The following RAB2B variants were observed in gnomAD, a reference collection of about 807,000 sequenced individuals.
RAB2B encodes ras-related protein Rab-2B.
A neutral mutation model predicts 29.8 loss-of-function variants in RAB2B; 20 were observed. The ratio of observed to expected loss-of-function variants is 0.67; its 90% CI spans 0.47 to 0.97. The LOEUF (loss-of-function observed/expected upper bound fraction) is 0.97. RAB2B is among the 50% of genes least tolerant of loss of function. The pLI, the probability that RAB2B is intolerant of heterozygous loss-of-function variation, is 0.00. For synonymous variants in RAB2B, 93 were observed against 91.7 expected, an observed-to-expected ratio of 1.01 and a Z score of -0.08; for missense variants, 218 against 272.0, an observed-to-expected ratio of 0.80 and a Z score of 1.40.
At position 21,468,655 on chromosome 14, in the gene RAB2B, C is replaced by T; in HGVS notation, c.269+15G>A. ...TAGGGAAGAATCTCCCTCCCATGCA[C>T]CAGATCTGGCTCACCTTGTAATGTC... On this transcript the variant is annotated intron_variant, in intron 4 of 7. Coordinates refer to ENST00000397762, the MANE Select transcript of RAB2B (RefSeq NM_032846.4). 1 of 1,541,768 alleles carries T rather than the reference C, an allele frequency of 6.5e-7. No individual in the cohort carries two copies. Among genetic ancestry groups the T allele is most frequent in the Non-Finnish European group, 8.7e-7 (1 of 1,147,956 alleles).
intron 1 of RAB2B, 110 bp from the exon 2 acceptor site, chr14:21,476,709 CGA>C: frequency 6.3e-7 from 1 of 1,594,250 alleles, no homozygotes; most frequent in Non-Finnish European, 8.6e-7. Flanking sequence ...CCGGCCGCCC[CGA>C]ACCGCCCCGC....
In RAB2B at chr14:21,476,634, C is replaced by T. The variant is rs775201441; in HGVS notation, c.47-35G>A. 1.9e-6 allele frequency: 3 copies of T among 1,613,660 alleles called. No homozygotes were observed. In the African/African-American group the frequency reaches 4.0e-5, roughly 22 times the overall value. ...AAAGCACACTCCCGGAATCACGCAG[C>T]CCTGGAACACCTTCCAGAGTATGGA... On this transcript the variant is annotated intron_variant, in intron 1 of 7. Transcript: ENST00000397762.
At chr14:21,472,083 G>A (rs1285845284) in intron 3 of RAB2B, among the ~76,000 whole-genome samples, 1 of 152,022 alleles carries the variant, frequency 6.6e-6, no homozygotes, top group East Asian at 1.9e-4. Context: ...TAGAAAGTCA[G>A]ATACACCATT....
chr14:21,461,267 A>T lies in RAB2B; in HGVS notation c.580T>A (p.Ser194Thr). The T allele has an allele frequency of 6.2e-7, 1 of 1,613,940 alleles. No homozygotes were observed. Among genetic ancestry groups the T allele is most frequent in the Non-Finnish European group, 8.5e-7 (1 of 1,179,874 alleles). ...GIKIGPQQSI[S>T]TSVGPSASQR... The stretch of plus-strand genomic sequence containing the variant: ...GAGGCACTGGGTCCCACTGATGTTG[A>T]AATTGACTGTTGGGGCCCAATCTTG... Residue 194 changes from serine (S) to threonine (T), a missense_variant, in exon 8 of 8, where the codon TCA becomes ACA. Coordinates refer to ENST00000397762, the MANE Select transcript of RAB2B (RefSeq NM_032846.4).
chr14:21,460,132 G>A lies in RAB2B; in HGVS notation c.*1064C>T, dbSNP rs1304134334. ...CTTCTACAAGAATTCTTAGGAAGTG[G>A]CAAGCAGACACCCAAAGGCAAGGAA... On this transcript the variant is annotated 3_prime_UTR_variant, in exon 8 of 8. Coordinates refer to ENST00000397762, the MANE Select transcript of RAB2B (RefSeq NM_032846.4). 1 of 518,506 alleles carries A rather than the reference G, an allele frequency of 1.9e-6. No individual in the cohort carries two copies. Among genetic ancestry groups the A allele is most frequent in the Non-Finnish European group, 3.9e-6 (1 of 259,714 alleles). The allele number at this position is 518,506 out of a possible 1,614,324, so 32.1% of individuals were successfully genotyped here.
At chr14:21,463,248 C>CT (rs36047568) in intron 6 of RAB2B, among the ~76,000 whole-genome samples, 101,687 of 138,478 alleles carry the variant, frequency 0.73, 38,132 homozygotes, top group South Asian at 0.87. Context: ...GACATTCTTT[C>CT]TTTTTTTTTT....
At chr14:21,474,669 C>T (rs1373394436) in intron 3 of RAB2B, 198 bp downstream of exon 3, 4 of 532,644 alleles carry the variant, frequency 7.5e-6, no homozygotes, top group Admixed American at 3.4e-5. Context: ...TAAACTATTA[C>T]TTGGATCGTT....
At chr14:21,469,995 G>A (rs533922464) in intron 3 of RAB2B, among the ~76,000 whole-genome samples, 6 of 143,874 alleles carry the variant, frequency 4.2e-5, no homozygotes, top group South Asian at 2.2e-4. Context: ...TCTGTTGCCC[G>A]GGCTGGAGTG....
intron 3 of RAB2B, among the ~76,000 whole-genome samples, chr14:21,472,931 C>T (rs758046196): frequency 4.2e-4 from 64 of 152,072 alleles, no homozygotes; most frequent in Non-Finnish European, 8.2e-4. Context: ...AAGGCTCAGG[C>T]CTGTAATCCC....
intron 2 of RAB2B, 113 bp downstream of exon 2, chr14:21,476,415 A>T: frequency 8.6e-7 from 1 of 1,159,504 alleles, no homozygotes; most frequent in East Asian, 2.4e-5. Flanking sequence ...GACTAGTTTA[A>T]AGTAGTGAGG....
rs1890501351 is a variant in RAB2B, at chr14:21,459,998, T to C, written c.*1198A>G. 1 of 359,414 alleles carries C rather than the reference T, an allele frequency of 2.8e-6. No homozygotes were observed. The allele number at this position is 359,414 out of a possible 1,614,324, so 22.3% of individuals were successfully genotyped here. On this transcript the variant is annotated 3_prime_UTR_variant, in exon 8 of 8. Transcript: ENST00000397762. ...GTAATAATAAGTGGCCACATGTCCCTGACCAACTTCACTGCTCTTAAAAGT... is the reference window on the plus strand; with the variant it reads ...GTAATAATAAGTGGCCACATGTCCCCGACCAACTTCACTGCTCTTAAAAGT...
At chr14:21,470,200 G>A (rs976524879) in intron 3 of RAB2B, among the ~76,000 whole-genome samples, 4 of 151,864 alleles carry the variant, frequency 2.6e-5, no homozygotes, top group South Asian at 2.1e-4. Flanking sequence ...TGACCCACCC[G>A]CCTCGGCCTC....
chr14:21,474,223 T>A (rs910473928), intron 3 of RAB2B, among the ~76,000 whole-genome samples: 1 of 152,078 alleles, frequency 6.6e-6, no homozygotes, highest in African/African-American at 2.4e-5. Context: ...AATTCTGCAA[T>A]ACTTAAAAAT....
chr14:21,466,436 G>A (rs1890689283), intron 5 of RAB2B, among the ~76,000 whole-genome samples: 2 of 152,158 alleles, frequency 1.3e-5, no homozygotes, highest in African/African-American at 4.8e-5. Context: ...GCAGTAAGAC[G>A]AGATCATGCC....
chr14:21,476,948 C>T lies in RAB2B; in HGVS notation c.-76G>A. 1 of 1,503,172 alleles carries T rather than the reference C, an allele frequency of 6.7e-7. No homozygotes were observed. The allele number at this position is 1,503,172 out of a possible 1,614,324, so 93.1% of individuals were successfully genotyped here. A position where few individuals can be genotyped will look rare whatever the true frequency, so the allele number is the denominator to read the frequency against. On this transcript the variant is annotated 5_prime_UTR_variant, in exon 1 of 8. Transcript: ENST00000397762. ...CCTCCGACCTCTCTAGCCACTCAAT[C>T]TACCGATCTTCTTCTTCTCCCCCTT...
At chr14:21,463,585 G>C in intron 6 of RAB2B, 71 bp downstream of exon 6, 1 of 1,107,032 alleles carries the variant, frequency 9.0e-7, no homozygotes, top group Admixed American at 1.8e-5. Context: ...TAGGAGAAGA[G>C]AATTCTGAAT....
chr14:21,464,295 G>A (rs1890637283), intron 5 of RAB2B, among the ~76,000 whole-genome samples: 1 of 152,182 alleles, frequency 6.6e-6, no homozygotes, highest in Non-Finnish European at 1.5e-5. Flanking sequence ...AGCTACTCGG[G>A]AGGCTGAGGC....
chr14:21,463,235 G>T (rs187885990), intron 6 of RAB2B, among the ~76,000 whole-genome samples: 244 of 140,864 alleles, frequency 1.7e-3, no homozygotes, highest in African/African-American at 6.3e-3. Context: ...ACTACGATCA[G>T]AAGACATTCT....
chr14:21,463,972 T>C (rs1374244179), intron 5 of RAB2B, among the ~76,000 whole-genome samples: 1 of 152,212 alleles, frequency 6.6e-6, no homozygotes, highest in African/African-American at 2.4e-5. Flanking sequence ...TGCTGCATAG[T>C]TGAAGATAAT....
Sources: gnomAD v4.1 joint callset for allele counts (sites outside exome capture counted in the v4.1 genomes callset) on GRCh38, gnomAD v4.1.1 for gene constraint, MANE v1.5 for transcripts, NCBI Gene and HGNC (gene_info 2026-07-23, HGNC 2026-07-21) for gene names.